The following STK32B variants were observed in gnomAD, a reference collection of about 807,000 sequenced individuals.
The protein encoded by STK32B is serine/threonine kinase 32B.
In STK32B, 43 loss-of-function variants were observed where a neutral mutation model predicts 52.6. The observed-to-expected ratio is 0.82, with a 90% CI of 0.64 to 1.05. The LOEUF (loss-of-function observed/expected upper bound fraction) is 1.05. Among genes scored for constraint, STK32B ranks in the 50% least tolerant of loss-of-function variants. STK32B has a pLI of 0.00. For synonymous variants in STK32B, 238 were observed against 204.3 expected (o/e 1.17, Z -1.41); for missense variants, 621 against 534.6 (o/e 1.16, Z -1.59).
chr4:5,106,770 A>G (rs78677046), intron 1 of STK32B, among the ~76,000 whole-genome samples: 4,108 of 152,292 alleles, frequency 0.027, 86 homozygotes, highest in Non-Finnish European at 0.042. Context: ...TTACTTGTGT[A>G]GATGGCCAAT....
intron 11 of STK32B, among the ~76,000 whole-genome samples, chr4:5,489,024 C>G (rs1464251339): frequency 6.6e-6 from 1 of 151,888 alleles, no homozygotes; most frequent in Non-Finnish European, 1.5e-5. Flanking sequence ...TAGTAAAACT[C>G]TAGGACTCAA....
chr4:5,245,503 T>A (rs931931947), intron 3 of STK32B, among the ~76,000 whole-genome samples: 1 of 152,210 alleles, frequency 6.6e-6, no homozygotes, highest in African/African-American at 2.4e-5. Flanking sequence ...TACAGGACAC[T>A]GATGGGTCTT....
chr4:5,254,965 A>AATATATATAT lies in STK32B; in HGVS notation c.261-76252_261-76243dup, dbSNP rs146017036. ...TTATTACTAGTTGGTATCATTCACT[A>AATATATATAT]ATATATATATATGTTTATTGAGCAT... On this transcript the variant is annotated intron_variant, in intron 3 of 11. Transcript: ENST00000282908. 5.4e-4 allele frequency among the ~76,000 whole-genome samples: 78 copies of AATATATATAT among 144,408 alleles called. 2 individuals are homozygous for AATATATATAT. The South Asian group carries it at 0.011, about 20-fold the overall frequency. 94.7% of individuals were successfully genotyped at this position (144,408 alleles called of 152,430 possible).
At chr4:5,351,072 TAACAACAAC>T (rs200530895) in intron 4 of STK32B, among the ~76,000 whole-genome samples, 1 of 151,668 alleles carries the variant, frequency 6.6e-6, no homozygotes, top group Admixed American at 6.6e-5. Context: ...GACTGAAAAT[TAACAACAAC>T]AACAACAACA....
At chr4:5,474,564 C>T (rs4688937) in intron 11 of STK32B, among the ~76,000 whole-genome samples, 2,294 of 152,286 alleles carry the variant, frequency 0.015, 39 homozygotes, top group Admixed American at 0.05. Flanking sequence ...AGTCCCTTCC[C>T]CACAAACCTC....
chr4:5,220,827 G>A lies in STK32B; in HGVS notation c.260+52377G>A, dbSNP rs59581116. Among the ~76,000 whole-genome samples the A allele has an allele frequency of 2.6e-5, 4 of 152,254 alleles. No homozygotes were observed. The East Asian group carries it at 7.7e-4, about 29-fold the overall frequency. ...TCTGTTGCAGTAATCAACTAAGGTG[G>A]TGGCAGTGGGGATGGAAAGTATGAG... On this transcript the variant is annotated intron_variant, in intron 3 of 11. Coordinates refer to ENST00000282908, the MANE Select transcript of STK32B (RefSeq NM_018401.3).
chr4:5,313,555 A>G (rs980867866), intron 3 of STK32B, among the ~76,000 whole-genome samples: 1 of 152,128 alleles, frequency 6.6e-6, no homozygotes, highest in Non-Finnish European at 1.5e-5. Context: ...AGAAAAGAGA[A>G]AATAGAACTG....
At chr4:5,038,241 A>G in the STK32B span, among the ~76,000 whole-genome samples, 2 of 152,150 alleles carry the variant, frequency 1.3e-5, no homozygotes, top group Non-Finnish European at 2.9e-5. Context: ...AGGTACCTAT[A>G]TCGTTCTGGA....
intron 3 of STK32B, among the ~76,000 whole-genome samples, chr4:5,319,342 A>G (rs945505503): frequency 6.6e-6 from 1 of 152,170 alleles, no homozygotes; most frequent in African/African-American, 2.4e-5. Flanking sequence ...ATGAAGCAAT[A>G]TTGCCTCAAC....
chr4:5,068,116 C>T (rs1246388015), intron 1 of STK32B, among the ~76,000 whole-genome samples: 1 of 151,996 alleles, frequency 6.6e-6, no homozygotes, highest in African/African-American at 2.4e-5. Context: ...AACTTTTGCA[C>T]CAACCTATAC....
chr4:5,377,166 G>C (rs1301587574), intron 4 of STK32B, among the ~76,000 whole-genome samples: 1 of 152,152 alleles, frequency 6.6e-6, no homozygotes, highest in Admixed American at 6.5e-5. Flanking sequence ...TATATGGTAT[G>C]GTGCGGTGCA....
intron 6 of STK32B, among the ~76,000 whole-genome samples, chr4:5,433,176 A>AAGGAAGATAGAG (rs1713742093): frequency 6.6e-6 from 1 of 151,102 alleles, no homozygotes; most frequent in African/African-American, 2.4e-5. Flanking sequence ...AGAGGATAGA[A>AAGGAAGATAGAG]AGGAGGATAG....
intron 1 of STK32B, among the ~76,000 whole-genome samples, chr4:5,066,607 A>G (rs1289826692): frequency 1.3e-5 from 2 of 152,180 alleles, no homozygotes; most frequent in African/African-American, 4.8e-5. Flanking sequence ...CCTTCACTGA[A>G]TGAGTTCAAT....
At chr4:5,109,661 C>T (rs1173610442) in intron 1 of STK32B, among the ~76,000 whole-genome samples, 3 of 152,138 alleles carry the variant, frequency 2.0e-5, no homozygotes, top group Non-Finnish European at 4.4e-5. Context: ...ATGGCAAAGC[C>T]ACAGCCAGCA....
the STK32B span, among the ~76,000 whole-genome samples, chr4:5,037,636 C>G: frequency 6.6e-6 from 1 of 152,138 alleles, no homozygotes; most frequent in Non-Finnish European, 1.5e-5. Context: ...AGGGCTCTGA[C>G]AAATGAACTT....
At position 5,155,227 on chromosome 4, in the gene STK32B, G is replaced by A. The variant is rs550941533; in HGVS notation, c.109-13072G>A. Among the ~76,000 whole-genome samples, 8 of 152,082 alleles carry A rather than the reference G, an allele frequency of 5.3e-5. No individual in the cohort carries two copies. In the South Asian group the frequency reaches 6.2e-4, roughly 12 times the overall value. On this transcript the variant is annotated intron_variant, in intron 2 of 11. Transcript: ENST00000282908. ...CCTTCCCAGAATGCCCACCCTCTTC[G>A]TCTCCACCTCAACCTTCCATATTTC...
rs1343963574 is a variant in STK32B, at chr4:5,467,992, G to T, written c.1042-14G>T. 6.2e-7 allele frequency: 1 copy of T among 1,613,916 alleles called. No individual in the cohort carries two copies. Among genetic ancestry groups the T allele is most frequent in the Admixed American group, 1.7e-5 (1 of 60,002 alleles). On this transcript the variant is annotated splice_polypyrimidine_tract_variant and intron_variant, in intron 10 of 11. Transcript: ENST00000282908. The surrounding 1 kb of genome is among the most constrained non-coding windows in gnomAD (Gnocchi z 5.8). ...TGCTTTGTCATTTAGTCACCCCTCT[G>T]TGCTCTTTGACAGAATGGACACCTG... is the stretch of plus-strand genomic sequence containing the variant.
rs564715652 is a variant in STK32B, at chr4:5,436,448, C to T, written c.563-10225C>T. Among the ~76,000 whole-genome samples the T allele has an allele frequency of 1.1e-4, 16 of 152,286 alleles. 1 individual carries two copies. In the South Asian group the frequency reaches 3.3e-3, roughly 32 times the overall value. On this transcript the variant is annotated intron_variant, in intron 6 of 11. Coordinates refer to ENST00000282908, the MANE Select transcript of STK32B (RefSeq NM_018401.3). Reference sequence around the variant, plus strand: ...ATTGCAAGGAACACAGTTTATGAAACAGCCACCGTGATGGGAAGATCTTTT... The same window carrying T: ...ATTGCAAGGAACACAGTTTATGAAATAGCCACCGTGATGGGAAGATCTTTT...
chr4:5,121,934 A>G (rs781159258), intron 1 of STK32B, among the ~76,000 whole-genome samples: 2 of 152,348 alleles, frequency 1.3e-5, no homozygotes, highest in South Asian at 4.1e-4. Flanking sequence ...AGGCCTGTCC[A>G]TGCAGATCTC....
Sources: allele counts gnomAD v4.1 joint callset (sites outside exome capture counted in the v4.1 genomes callset), GRCh38; gene constraint gnomAD v4.1.1; non-coding constraint Gnocchi (gnomAD v3.1); transcripts MANE v1.5; gene names NCBI Gene and HGNC (gene_info 2026-07-23, HGNC 2026-07-21).